Variants in MTA2 observed in about 807,000 individuals in gnomAD.
MTA2 encodes the protein metastasis associated 1 family member 2.
Under a neutral mutation model 87.1 loss-of-function variants are expected in MTA2, and 22 were observed. That is an observed-to-expected ratio of 0.25 (90% CI 0.18 to 0.36). The LOEUF (loss-of-function observed/expected upper bound fraction) is 0.36, where lower values mean the gene tolerates loss of function less well. MTA2 is among the 10% of genes least tolerant of loss of function. The pLI, the probability that MTA2 is intolerant of heterozygous loss-of-function variation, is 1.00. For synonymous variants in MTA2, 314 were observed against 310.1 expected (o/e 1.01, Z -0.13); for missense variants, 542 against 853.2 (o/e 0.64, Z 4.54).
Position 62,593,843 on chromosome 11 carries a change from CCT to C in MTA2, c.*30_*31del, listed in dbSNP as rs755725243. 5.6e-6 allele frequency: 9 copies of C among 1,613,342 alleles called. No individual in the cohort carries two copies. Among genetic ancestry groups the C allele is most frequent in the South Asian group, 1.1e-5 (1 of 91,012 alleles). On this transcript the variant is annotated 3_prime_UTR_variant, in exon 18 of 18. Coordinates refer to ENST00000278823, the MANE Select transcript of MTA2 (RefSeq NM_004739.4). ...GGGTGCCCTGGGCATCCACCCTCTA[CCT>C]CTCAGCCCACCTCCCTTCCCCACAG...
In MTA2 at chr11:62,597,658, T is replaced by C; in HGVS notation, c.545A>G (p.Asp182Gly). ...GATCTGCCGGTCTGTGAGAGGGTTG[T>C]CTGGGTCCCAGACCTTCATCTCCAT... ...QKMEMKVWDPDNPLTDRQIDQ... is the reference protein window; with the variant it reads ...QKMEMKVWDPGNPLTDRQIDQ... The change falls in exon 7 of 18, where the codon GAC (aspartate) becomes GGC (glycine). Residue 182 changes from aspartate (D) to glycine (G), a missense_variant. Physicochemically the swap from Asp to Gly is moderately conservative, Grantham distance 94. This residue lies in a region of MTA2 where 150 missense variants were observed against 243.9 expected (regional missense o/e 0.62). Coordinates refer to ENST00000278823, the MANE Select transcript of MTA2 (RefSeq NM_004739.4). 2.5e-6 allele frequency: 4 copies of C among 1,614,196 alleles called. No homozygotes were observed. In the South Asian group the frequency reaches 3.3e-5, roughly 13 times the overall value.
Position 62,601,558 on chromosome 11 carries a change from A to G in MTA2, c.-108T>C, listed in dbSNP as rs983882100. The G allele has an allele frequency of 5.2e-5, 71 of 1,354,306 alleles. No individual in the cohort carries two copies. The highest frequency in any genetic ancestry group is 6.4e-5 in the Non-Finnish European group (64 of 1,005,148). 83.9% of individuals were successfully genotyped at this position (1,354,306 alleles called of 1,614,324 possible). ...GAACGGTGGGCTGCCGCTTCGAGGGAGTCTCACTGGGGCCCGCGCAGCCGG... is the reference window on the plus strand; with the variant it reads ...GAACGGTGGGCTGCCGCTTCGAGGGGGTCTCACTGGGGCCCGCGCAGCCGG... On this transcript the variant is annotated 5_prime_UTR_variant, in exon 1 of 18. Transcript: ENST00000278823.
chr11:62,595,447 G>A lies in MTA2; in HGVS notation c.1300C>T (p.Leu434Phe). 6.2e-7 allele frequency: 1 copy of A among 1,614,236 alleles called. No homozygotes were observed. Among genetic ancestry groups the A allele is most frequent in the Non-Finnish European group, 8.5e-7 (1 of 1,180,048 alleles). The change falls in exon 14 of 18, where the codon CTC becomes TTC. Residue 434 changes from leucine (L) to phenylalanine (F), a missense_variant. Coordinates refer to ENST00000278823, the MANE Select transcript of MTA2 (RefSeq NM_004739.4). The surrounding 1 kb of genome is among the most constrained non-coding windows in gnomAD (Gnocchi z 4.9). ...GHLSRPEAQS[L>F]SPYTTSANRA... ...TTGGCGCTGGTTGTGTAAGGAGAGA[G>A]ACTTTGAGCTTCAGGTCTGGATAAA...
chr11:62,598,811 C>G (rs903473201), intron 3 of MTA2, among the ~76,000 whole-genome samples, 172 bp from the exon 4 acceptor site: 16 of 152,138 alleles, frequency 1.1e-4, no homozygotes, highest in African/African-American at 3.4e-4. Flanking sequence ...AGCTCTATGC[C>G]CCATCATAGA....
intron 1 of MTA2, 38 bp from the exon 2 acceptor site, chr11:62,600,727 G>T: frequency 6.3e-7 from 1 of 1,575,790 alleles, no homozygotes. Flanking sequence ...ACGAAGATCA[G>T]AGGAGATGGG....
In MTA2 at chr11:62,596,243, G is replaced by GA. The variant is rs764900298; in HGVS notation, c.1016+35dup. ...AAGGCACAAGTTAGGGGAAGGGAAG[G>GA]AAAACACTCTGGTCTCCCCTACCCA... On this transcript the variant is annotated intron_variant, in intron 11 of 17. Coordinates refer to ENST00000278823, the MANE Select transcript of MTA2 (RefSeq NM_004739.4). 3 of 1,611,358 alleles carry GA rather than the reference G, an allele frequency of 1.9e-6. No individual in the cohort carries two copies. In the South Asian group the frequency reaches 3.3e-5, roughly 18 times the overall value.
chr11:62,596,261 C>G lies in MTA2; in HGVS notation c.1016+18G>C. The G allele has an allele frequency of 6.2e-7, 1 of 1,613,504 alleles. No homozygotes were observed. On this transcript the variant is annotated intron_variant, in intron 11 of 17. Coordinates refer to ENST00000278823, the MANE Select transcript of MTA2 (RefSeq NM_004739.4). Reference sequence around the variant, plus strand: ...AGGGAAGGAAAACACTCTGGTCTCCCCTACCCACCACACTTACTAGGTGGG... The same window carrying G: ...AGGGAAGGAAAACACTCTGGTCTCCGCTACCCACCACACTTACTAGGTGGG...
At chr11:62,600,103 G>C in intron 3 of MTA2, 63 bp downstream of exon 3, 1 of 1,461,416 alleles carries the variant, frequency 6.8e-7, no homozygotes, top group South Asian at 1.2e-5. Flanking sequence ...GGAAATACCT[G>C]CAGGGACATG....
At chr11:62,601,067 T>C (rs889682723) in intron 1 of MTA2, 10 of 495,818 alleles carry the variant, frequency 2.0e-5, no homozygotes, top group Admixed American at 2.0e-4. Flanking sequence ...AGAGGAAACC[T>C]CCGGGCGGCT....
At chr11:62,600,801 C>T in intron 1 of MTA2, 112 bp from the exon 2 acceptor site, 1 of 883,046 alleles carries the variant, frequency 1.1e-6, no homozygotes, top group Admixed American at 2.5e-5. Flanking sequence ...GATAAGGATT[C>T]AGGTAGAAAG....
chr11:62,600,824 T>A, intron 1 of MTA2, 135 bp from the exon 2 acceptor site: 1 of 682,362 alleles, frequency 1.5e-6, no homozygotes, highest in Non-Finnish European at 2.5e-6. Context: ...CGCTGAGATG[T>A]GAAAGTGGAC....
Position 62,601,514 on chromosome 11 carries a change from C to T in MTA2, c.-64G>A, listed in dbSNP as rs953423432. On this transcript the variant is annotated 5_prime_UTR_variant, in exon 1 of 18. Transcript: ENST00000278823. ...CCGGGAGGCTCGCGGGGGCAGGGCT[C>T]GGCTCGAGGCAAAGCCCCGAACGGT... The T allele has an allele frequency of 5.1e-6, 8 of 1,560,104 alleles. 1 individual carries two copies. The African/African-American group carries it at 9.8e-5, about 19-fold the overall frequency.
At position 62,601,798 on chromosome 11, in the gene MTA2, G is replaced by A. The variant is rs947846752; in HGVS notation, c.-348C>T. On this transcript the variant is annotated 5_prime_UTR_variant, in exon 1 of 18. Coordinates refer to ENST00000278823, the MANE Select transcript of MTA2 (RefSeq NM_004739.4). ...GCTCTGCCGGCCGCAGGGAAGGCTT[G>A]CCGGGCCCGCCTCAGGGTTCGCCTC... The A allele has an allele frequency of 1.4e-5, 7 of 503,542 alleles. No homozygotes were observed. The highest frequency in any genetic ancestry group is 8.3e-5 in the Admixed American group (2 of 24,176). 31.2% of individuals were successfully genotyped at this position (503,542 alleles called of 1,614,324 possible). A position where few individuals can be genotyped will look rare whatever the true frequency, so the allele number is the denominator to read the frequency against.
Position 62,600,651 on chromosome 11 carries a change from G to C in MTA2, c.67C>G (p.Leu23Val), listed in dbSNP as rs769340255. ...YFENSSSNPYLVRRIEELNKT... is the reference protein window; with the variant it reads ...YFENSSSNPYVVRRIEELNKT... ...TTGAGCTCCTCAATCCGTCTAACCA[G>C]GTAAGGATTGCTGGAAGAGTTCTCA... Residue 23 changes from leucine (L) to valine (V), a missense_variant, in exon 2 of 18, where the codon CTG becomes GTG. Leu to Val is a conservative substitution (Grantham distance 32). Around this residue, in one of 6 missense-constraint regions of MTA2, gnomAD observed 150 missense variants for 243.9 expected, o/e 0.62. Coordinates refer to ENST00000278823, the MANE Select transcript of MTA2 (RefSeq NM_004739.4). 24 of 1,613,928 alleles carry C rather than the reference G, an allele frequency of 1.5e-5. No individual in the cohort carries two copies. The highest frequency in any genetic ancestry group is 1.6e-4 in the Middle Eastern group (1 of 6,084).
intron 3 of MTA2, 29 bp downstream of exon 3, chr11:62,600,137 G>A (rs373163574): frequency 6.3e-7 from 1 of 1,589,894 alleles, no homozygotes; most frequent in Non-Finnish European, 8.6e-7. Flanking sequence ...TCATGGGTAG[G>A]AGAAAAAGAA....
At chr11:62,598,227 C>CA in intron 5 of MTA2, 86 bp from the exon 6 acceptor site, 3 of 1,560,182 alleles carry the variant, frequency 1.9e-6, no homozygotes, top group Non-Finnish European at 2.7e-6. Flanking sequence ...CCATGACCGG[C>CA]AGTCTGGCAA....
Position 62,595,685 on chromosome 11 carries a change from C to T in MTA2, c.1254+67G>A. 6.3e-7 allele frequency: 1 copy of T among 1,590,696 alleles called. No homozygotes were observed. The highest frequency in any genetic ancestry group is 1.1e-5 in the South Asian group (1 of 87,300). On this transcript the variant is annotated intron_variant, in intron 13 of 17. Transcript: ENST00000278823. This position sits in a 1 kb window ranked among gnomAD's most constrained non-coding sequence, Gnocchi z 4.9. ...CCATATAAAGAGTTGAATATTCTGG[C>T]CTTCACCTAAGCTCACCATCAATAT...
chr11:62,597,751 G>A, intron 6 of MTA2, 39 bp from the exon 7 acceptor site: 1 of 1,539,024 alleles, frequency 6.5e-7, no homozygotes, highest in African/African-American at 1.4e-5. Flanking sequence ...GGAGAGGGCA[G>A]GGGGGAACAG....
chr11:62,601,375 C>A (rs1942195157), intron 1 of MTA2, 48 bp downstream of exon 1: 1 of 1,603,672 alleles, frequency 6.2e-7, no homozygotes, highest in Non-Finnish European at 8.5e-7. Flanking sequence ...AGGTCCCTAC[C>A]CCAACCTCTC....
Sources: allele counts gnomAD v4.1 joint callset (sites outside exome capture counted in the v4.1 genomes callset), GRCh38; gene constraint gnomAD v4.1.1; regional missense constraint gnomAD v4.1.1; non-coding constraint Gnocchi (gnomAD v3.1); transcripts MANE v1.5; gene names NCBI Gene and HGNC (gene_info 2026-07-23, HGNC 2026-07-21).